Variants in DYSF observed in about 807,000 individuals in gnomAD.
DYSF encodes the protein dysferlin, also known as dystrophy-associated fer-1-like 1.
Under a neutral mutation model 274.9 loss-of-function variants are expected in DYSF, and 212 were observed. The observed-to-expected ratio is 0.77, with a 90% CI of 0.69 to 0.86. The LOEUF (loss-of-function observed/expected upper bound fraction) is 0.86. Among genes scored for constraint, DYSF ranks in the 40% least tolerant of loss-of-function variants. The pLI, the probability that DYSF is intolerant of heterozygous loss-of-function variation, is 0.00. For missense variants in DYSF, 2,666 were observed against 2,783.2 expected (o/e 0.96, Z 0.95); for synonymous variants, 1,091 against 1,078.7 (o/e 1.01, Z -0.22).
At chr2:71,515,591 T>C (rs1218318959) in intron 7 of DYSF, 32 bp from the exon 8 acceptor site, 2 of 1,613,920 alleles carry the variant, frequency 1.2e-6, no homozygotes, top group South Asian at 2.2e-5. Context: ...TCTTCCCCCT[T>C]CCTCCTGCTC....
chr2:71,549,271 A>G (rs962093967), intron 17 of DYSF: 3 of 1,430,994 alleles, frequency 2.1e-6, no homozygotes, highest in Non-Finnish European at 2.9e-6. Context: ...CCAGCTCTCC[A>G]TCCACAGCCT....
At chr2:71,559,409 C>T (rs1445703470) in intron 22 of DYSF, among the ~76,000 whole-genome samples, 2 of 152,166 alleles carry the variant, frequency 1.3e-5, no homozygotes, top group African/African-American at 2.4e-5. Context: ...CCTCTCCCAC[C>T]CCTCCTTTAG....
intron 45 of DYSF, among the ~76,000 whole-genome samples, chr2:71,661,052 G>C (rs575713248): frequency 3.4e-5 from 5 of 145,432 alleles, no homozygotes; most frequent in African/African-American, 1.3e-4. Context: ...AGGAGTTTGA[G>C]CTTACAGTGA....
rs537917248 is a variant in DYSF, at chr2:71,543,539, G to A, written c.1576+4300G>A. 1.2e-4 allele frequency among the ~76,000 whole-genome samples: 18 copies of A among 152,280 alleles called. No individual in the cohort carries two copies. In the South Asian group the frequency reaches 3.3e-3, roughly 28 times the overall value. On this transcript the variant is annotated intron_variant, in intron 17 of 55. Coordinates refer to ENST00000410020, the MANE Select transcript of DYSF (RefSeq NM_001130987.2). The stretch of plus-strand genomic sequence containing the variant: ...GGGAGGTGGAGGTTGATAGCGAGCC[G>A]AGATCAAGCCACTGCACTCCAGCCT...
chr2:71,569,606 T>C (rs1290657349), intron 26 of DYSF, among the ~76,000 whole-genome samples: 3 of 152,218 alleles, frequency 2.0e-5, no homozygotes, highest in Non-Finnish European at 4.4e-5. Context: ...TCTTGGGTGA[T>C]GTGCTCTTTT....
Position 71,561,859 on chromosome 2 carries a change from C to T in DYSF, c.2324C>T (p.Ala775Val), listed in dbSNP as rs751715489. The change falls in exon 23 of 56, where the codon GCC becomes GTC. Residue 775 changes from alanine (A) to valine (V), a missense_variant. Around this residue, in one of 3 missense-constraint regions of DYSF, gnomAD observed 412 missense variants for 504.0 expected, o/e 0.82. Coordinates refer to ENST00000410020, the MANE Select transcript of DYSF (RefSeq NM_001130987.2). ...AGCCAAATCACTGAGGCTGCCCTGG[C>T]CCTGAAGCTCGGCCACAGTGAGCTC... ...HLSQITEAAL[A>V]LKLGHSELPA... 1.2e-6 allele frequency: 2 copies of T among 1,614,044 alleles called. No homozygotes were observed. The highest frequency in any genetic ancestry group is 1.7e-6 in the Non-Finnish European group (2 of 1,180,032).
chr2:71,614,150 C>T (rs954056535), intron 40 of DYSF, among the ~76,000 whole-genome samples: 1 of 152,136 alleles, frequency 6.6e-6, no homozygotes, highest in African/African-American at 2.4e-5. Flanking sequence ...AGGGTTGAGC[C>T]CATCTGGTCC....
At chr2:71,478,678 C>A (rs2082617479) in intron 1 of DYSF, among the ~76,000 whole-genome samples, 1 of 152,052 alleles carries the variant, frequency 6.6e-6, no homozygotes, top group African/African-American at 2.4e-5. Context: ...TTGGGAGCTC[C>A]CCCCTCTCCC....
At chr2:71,587,158 G>C (rs1863813) in intron 30 of DYSF, among the ~76,000 whole-genome samples, 2,855 of 152,318 alleles carry the variant, frequency 0.019, 33 homozygotes, top group Non-Finnish European at 0.027. Flanking sequence ...CAGCCAGGGG[G>C]GTGTTCTGTG....
In DYSF at chr2:71,586,243, G is replaced by A. The variant is rs1022915807; in HGVS notation, c.3403-3350G>A. 6.7e-4 allele frequency among the ~76,000 whole-genome samples: 102 copies of A among 152,148 alleles called. 1 individual carries two copies. The highest frequency in any genetic ancestry group is 4.6e-4 in the Admixed American group (7 of 15,272). On this transcript the variant is annotated intron_variant, in intron 30 of 55. Transcript: ENST00000410020. ...GTTTGCCCGGATTGTGAATCAGGGT[G>A]GTACAAAGAGGGACTGAGCTTAGTG...
At chr2:71,520,964 C>A in intron 12 of DYSF, 60 bp downstream of exon 12, 2 of 1,386,336 alleles carry the variant, frequency 1.4e-6, no homozygotes, top group Non-Finnish European at 2.0e-6. Context: ...GTTGCGGAGG[C>A]ACCAAACCAC....
chr2:71,596,954 C>T (rs927145071), intron 32 of DYSF, among the ~76,000 whole-genome samples: 2 of 152,204 alleles, frequency 1.3e-5, no homozygotes, highest in Non-Finnish European at 2.9e-5. Flanking sequence ...CTCTCTCCAT[C>T]CCTTGATGGG....
chr2:71,571,743 A>C (rs1393938052), intron 29 of DYSF, among the ~76,000 whole-genome samples: 3 of 128,302 alleles, frequency 2.3e-5, no homozygotes, highest in Non-Finnish European at 4.8e-5. Context: ...ACACACACAG[A>C]TCACAGTCAG....
chr2:71,645,641 G>C (rs372563874), intron 42 of DYSF, among the ~76,000 whole-genome samples: 215 of 550 alleles, frequency 0.39, no homozygotes, highest in African/African-American at 0.46. Context: ...GTCCTCCCTA[G>C]GCCTGTGGCA....
chr2:71,618,453 G>GTGTGT (rs1558640460), intron 40 of DYSF, among the ~76,000 whole-genome samples: 1 of 6,824 alleles, frequency 1.5e-4, no homozygotes, highest in Non-Finnish European at 3.5e-4. Flanking sequence ...GGTAGAGGTG[G>GTGTGT]GGTTGTGTGT....
intron 7 of DYSF, 140 bp downstream of exon 7, chr2:71,514,061 T>A (rs981787051): frequency 4.7e-5 from 47 of 998,198 alleles, no homozygotes; most frequent in Non-Finnish European, 6.9e-5. Flanking sequence ...ATCTGTAGTT[T>A]CCCTGGGCCT....
chr2:71,510,031 G>T (rs2152726433), intron 4 of DYSF, among the ~76,000 whole-genome samples: 1 of 152,342 alleles, frequency 6.6e-6, no homozygotes, highest in African/African-American at 2.4e-5. Flanking sequence ...GCCTGGCTCG[G>T]CCTCCCAAAG....
chr2:71,555,344 T>G (rs2091263370), intron 21 of DYSF, among the ~76,000 whole-genome samples: 3 of 150,880 alleles, frequency 2.0e-5, no homozygotes, highest in South Asian at 2.1e-4. Context: ...GGCTGCTGGG[T>G]GGGGAGGGGT....
chr2:71,633,268 T>C (rs1431526347), intron 41 of DYSF, among the ~76,000 whole-genome samples: 1 of 152,198 alleles, frequency 6.6e-6, no homozygotes, highest in Non-Finnish European at 1.5e-5. Flanking sequence ...AGTATTTGCA[T>C]GTCTGGGGTT....
Sources: allele counts gnomAD v4.1 joint callset (sites outside exome capture counted in the v4.1 genomes callset), GRCh38; gene constraint gnomAD v4.1.1; regional missense constraint gnomAD v4.1.1; transcripts MANE v1.5; gene names NCBI Gene and HGNC (gene_info 2026-07-23, HGNC 2026-07-21).